WBP4: variants seen among roughly 807,000 people sequenced by gnomAD.
The protein encoded by WBP4 is WW domain binding protein 4.
WBP4 carries 37 observed loss-of-function variants against 55.4 expected under a neutral mutation model. The observed-to-expected ratio is 0.67, with a 90% CI of 0.51 to 0.88. The LOEUF (loss-of-function observed/expected upper bound fraction) is 0.88. WBP4 is among the 40% of genes least tolerant of loss of function. The probability of loss-of-function intolerance (pLI) is 0.00; values close to 1 mark genes in which losing one functional copy is unlikely to be tolerated. For synonymous variants in WBP4, 142 were observed against 140.2 expected (o/e 1.01, Z -0.09); for missense variants, 398 against 420.8 (o/e 0.95, Z 0.47).
intron 9 of WBP4, among the ~76,000 whole-genome samples, chr13:41,082,060 T>C (rs1317698550): frequency 6.6e-6 from 1 of 152,164 alleles, no homozygotes; most frequent in Non-Finnish European, 1.5e-5. Flanking sequence ...GGTGCTGATA[T>C]CAGGACCACT....
chr13:41,061,798 C>T, intron 1 of WBP4, 123 bp downstream of exon 1: 1 of 1,501,904 alleles, frequency 6.7e-7, no homozygotes, highest in Non-Finnish European at 9.1e-7. Flanking sequence ...GCGTTCTTAA[C>T]TCGCTCGGGA....
chr13:41,069,642 C>T (rs1878140598), intron 5 of WBP4, among the ~76,000 whole-genome samples: 1 of 143,752 alleles, frequency 7.0e-6, no homozygotes, highest in Admixed American at 7.2e-5. Context: ...GGAAGCGGAG[C>T]TTGCGGTGAG....
At chr13:41,064,887 A>T in intron 2 of WBP4, 129 bp from the exon 3 acceptor site, 1 of 865,812 alleles carries the variant, frequency 1.2e-6, no homozygotes, top group Non-Finnish European at 1.7e-6. Context: ...GCATTAAATT[A>T]ATGTTTTCAT....
intron 8 of WBP4, among the ~76,000 whole-genome samples, chr13:41,079,541 CAAAAA>C (rs35433682): frequency 5.4e-4 from 55 of 101,676 alleles, no homozygotes; most frequent in Non-Finnish European, 8.0e-4. Context: ...GACTCCGTCT[CAAAAA>C]AAAAAAAAAA....
chr13:41,066,193 T>TC (rs1877965892), intron 4 of WBP4, among the ~76,000 whole-genome samples: 1 of 152,234 alleles, frequency 6.6e-6, no homozygotes, highest in African/African-American at 2.4e-5. Context: ...TAGATGAGAG[T>TC]CCAACTATTA....
At chr13:41,069,258 G>C (rs2138467141) in intron 5 of WBP4, among the ~76,000 whole-genome samples, 1 of 152,248 alleles carries the variant, frequency 6.6e-6, no homozygotes, top group South Asian at 2.1e-4. Flanking sequence ...CAGATGCAGT[G>C]GCTCATGCCT....
rs1404942929 is a variant in WBP4 at position 41,068,680 on chromosome 13, T to C, written c.382T>C (p.Trp128Arg). The C allele has an allele frequency of 1.1e-5, 17 of 1,613,394 alleles. No homozygotes were observed. The highest frequency in any genetic ancestry group is 1.4e-5 in the Non-Finnish European group (16 of 1,179,834). Residue 128 changes from tryptophan (W) to arginine (R), a missense_variant, in exon 5 of 10, where the codon TGG becomes CGG. Trp to Arg is a moderately radical substitution (Grantham distance 101). Transcript: ENST00000379487. Reference sequence around the variant, plus strand: ...AAAAAAAGATCCTTCAAAGGGCAGATGGGTAGAAGGCATAACCTCTGAGGG... The same window carrying C: ...AAAAAAAGATCCTTCAAAGGGCAGACGGGTAGAAGGCATAACCTCTGAGGG... ...KRKKDPSKGR[W>R]VEGITSEGYH... is the part of the protein sequence containing the mutation.
chr13:41,074,572 C>T (rs1215230095), intron 7 of WBP4, among the ~76,000 whole-genome samples: 2 of 152,134 alleles, frequency 1.3e-5, no homozygotes, highest in Non-Finnish European at 2.9e-5. Flanking sequence ...AGCAATGTGA[C>T]TGTGGGTGTT....
At chr13:41,070,401 G>C (rs1878187349) in intron 5 of WBP4, among the ~76,000 whole-genome samples, 1 of 151,904 alleles carries the variant, frequency 6.6e-6, no homozygotes, top group East Asian at 1.9e-4. Flanking sequence ...GAAAGTATTG[G>C]GAAATAGTGG....
intron 8 of WBP4, among the ~76,000 whole-genome samples, chr13:41,078,750 C>T (rs1458979048): frequency 6.6e-6 from 1 of 152,012 alleles, no homozygotes; most frequent in Non-Finnish European, 1.5e-5. Flanking sequence ...TCGCTTGAAC[C>T]TGGGAGGCGG....
chr13:41,062,106 T>TG (rs1376474064), intron 1 of WBP4: 23 of 955,952 alleles, frequency 2.4e-5, no homozygotes, highest in African/African-American at 1.5e-4. Flanking sequence ...GTTTTTTTTT[T>TG]TTTTTTTTTT....
chr13:41,067,355 C>T (rs1442601030), intron 4 of WBP4, among the ~76,000 whole-genome samples: 1 of 152,204 alleles, frequency 6.6e-6, no homozygotes, highest in Non-Finnish European at 1.5e-5. Context: ...TGCAAAACAA[C>T]AACAAAACAT....
chr13:41,079,012 G>A (rs867779461), intron 8 of WBP4, among the ~76,000 whole-genome samples: 1 of 151,648 alleles, frequency 6.6e-6, no homozygotes, highest in Middle Eastern at 3.4e-3. Context: ...AATTAACAGG[G>A]TAAATAAACA....
intron 8 of WBP4, among the ~76,000 whole-genome samples, chr13:41,077,218 T>C (rs906929187): frequency 4.6e-5 from 7 of 151,568 alleles, no homozygotes; most frequent in African/African-American, 1.7e-4. Flanking sequence ...AAAACAACCA[T>C]ATAATCAGCT....
chr13:41,062,096 G>GTTTTTTTT (rs60658317), intron 1 of WBP4: 940 of 803,784 alleles, frequency 1.2e-3, no homozygotes, highest in South Asian at 2.6e-3. Context: ...TAGCGTAATG[G>GTTTTTTTT]TTTTTTTTTT....
chr13:41,072,848 GA>G lies in WBP4; in HGVS notation c.556del (p.Thr186GlnfsTer32). 6.2e-7 allele frequency: 1 copy of G among 1,611,340 alleles called. No homozygotes were observed. The highest frequency in any genetic ancestry group is 1.1e-5 in the South Asian group (1 of 90,820). ...TGGTTTTACCTATTACTATAATACA[GA>G]AACAGGAGGTAAGTATTACCTTTGA... ...EDGFTYYYNTETGESRWEKPD... is the reference protein window; with the variant it reads ...EDGFTYYYNTXTGESRWEKPD... On this transcript the variant is annotated frameshift_variant, in exon 7 of 10. Transcript: ENST00000379487. LOFTEE classifies it high-confidence loss of function.
Position 41,082,959 on chromosome 13 carries a change from C to T in WBP4, c.*45C>T, listed in dbSNP as rs755463714. The stretch of plus-strand genomic sequence containing the variant: ...ACATGCTTTTAGGACAGAATGGAGA[C>T]TTATACACCCAAAGTTTATCTGTGT... On this transcript the variant is annotated 3_prime_UTR_variant, in exon 10 of 10. Transcript: ENST00000379487. 1.9e-6 allele frequency: 3 copies of T among 1,551,340 alleles called. No homozygotes were observed. The highest frequency in any genetic ancestry group is 2.7e-6 in the Non-Finnish European group (3 of 1,131,498).
At position 41,082,858 on chromosome 13, in the gene WBP4, A is replaced by G; in HGVS notation, c.1075A>G (p.Arg359Gly). ...ADGVAPVFKK[R>G]RTENGKSRNL... is the part of the protein sequence containing the mutation. ...TGGAGTGGCCCCAGTCTTCAAAAAG[A>G]GAAGAACTGAAAATGGAAAATCTAG... The change falls in exon 10 of 10, where the codon AGA (arginine) becomes GGA (glycine). Residue 359 changes from arginine to glycine, a missense_variant. Arg to Gly is a moderately radical substitution (Grantham distance 125). Coordinates refer to ENST00000379487, the MANE Select transcript of WBP4 (RefSeq NM_007187.5). 6.2e-7 allele frequency: 1 copy of G among 1,614,130 alleles called. No individual in the cohort carries two copies. The highest frequency in any genetic ancestry group is 8.5e-7 in the Non-Finnish European group (1 of 1,180,008).
chr13:41,076,160 A>G lies in WBP4; in HGVS notation c.679A>G (p.Ser227Gly). 4.3e-6 allele frequency: 7 copies of G among 1,613,292 alleles called. No homozygotes were observed. The highest frequency in any genetic ancestry group is 1.1e-5 in the South Asian group (1 of 91,030). The change falls in exon 8 of 10, where the codon AGT (serine) becomes GGT (glycine). Residue 227 changes from serine to glycine, a missense_variant. By Grantham distance (56) the Ser-to-Gly change is moderately conservative. Coordinates refer to ENST00000379487, the MANE Select transcript of WBP4 (RefSeq NM_007187.5). ...LDESKSSDSH[S>G]DSDGEQEAEE... ...TGAATCCAAATCATCAGATTCGCAT[A>G]GTGATTCTGATGGGGAACAGGAAGC...
Sources: gnomAD v4.1 joint callset for allele counts (sites outside exome capture counted in the v4.1 genomes callset) on GRCh38, gnomAD v4.1.1 for gene constraint, MANE v1.5 for transcripts, NCBI Gene and HGNC (gene_info 2026-07-23, HGNC 2026-07-21) for gene names.